The following ROS1 variants were observed in gnomAD, a reference collection of about 807,000 sequenced individuals.
ROS1 encodes the protein proto-oncogene tyrosine-protein kinase ROS.
ROS1 carries 263 observed loss-of-function variants against 273.5 expected under a neutral mutation model. That is an observed-to-expected ratio of 0.96 (90% CI 0.87 to 1.06). The LOEUF is 1.06. Ranked by LOEUF, ROS1 falls within the 50% of genes least tolerant of loss-of-function variation. ROS1 has a pLI of 0.00. For missense variants in ROS1, 2,833 were observed against 2,751.1 expected, an observed-to-expected ratio of 1.03 and a Z score of -0.67; for synonymous variants, 1,008 against 954.1, an observed-to-expected ratio of 1.06 and a Z score of -1.04.
chr6:117,295,051 C>T (rs1364955141), intron 43 of ROS1, among the ~76,000 whole-genome samples: 1 of 152,148 alleles, frequency 6.6e-6, no homozygotes, highest in Non-Finnish European at 1.5e-5. Context: ...TTACTGGATT[C>T]AAATTATACT....
intron 27 of ROS1, among the ~76,000 whole-genome samples, chr6:117,350,798 A>G (rs1390424518): frequency 6.7e-6 from 1 of 149,944 alleles, no homozygotes. Context: ...CCCATCAAAC[A>G]TTCCTCACAT....
At position 117,395,258 on chromosome 6, in the gene ROS1, G is replaced by C. The variant is rs1239890342; in HGVS notation, c.884-520C>G. Reference sequence around the variant, plus strand: ...AGTGGAGACTGACACAAGGTGCATGGGTGAACATTTTTAGGGTATTTAATG... The same window carrying C: ...AGTGGAGACTGACACAAGGTGCATGCGTGAACATTTTTAGGGTATTTAATG... On this transcript the variant is annotated intron_variant, in intron 9 of 43. Transcript: ENST00000368507. Among the ~76,000 whole-genome samples the C allele has an allele frequency of 2.0e-5, 3 of 152,096 alleles. No individual in the cohort carries two copies. The East Asian group carries it at 5.8e-4, about 29-fold the overall frequency.
intron 31 of ROS1, among the ~76,000 whole-genome samples, chr6:117,340,236 T>C (rs1171344416): frequency 6.6e-6 from 1 of 152,170 alleles, no homozygotes; most frequent in Non-Finnish European, 1.5e-5. Context: ...TTTGAGTTTA[T>C]CAACTCAATA....
At chr6:117,317,120 T>C (rs553484251) in intron 39 of ROS1, 23 bp downstream of exon 39, 1 of 1,603,408 alleles carries the variant, frequency 6.2e-7, no homozygotes, top group South Asian at 1.1e-5. Context: ...ATGAAACCAA[T>C]ATTATGGATC....
intron 42 of ROS1, 71 bp from the exon 43 acceptor site, chr6:117,301,208 AT>A: frequency 7.6e-7 from 1 of 1,312,974 alleles, no homozygotes. Context: ...AGGTAGGGTC[AT>A]TTTAGAAAGG....
At chr6:117,371,806 C>T (rs934730135) in intron 18 of ROS1, among the ~76,000 whole-genome samples, 18 of 152,124 alleles carry the variant, frequency 1.2e-4, no homozygotes, top group Admixed American at 3.9e-4. Flanking sequence ...TTCCCCACTC[C>T]CCTGGTGGCC....
intron 26 of ROS1, 76 bp from the exon 27 acceptor site, chr6:117,353,242 T>C (rs2128638486): frequency 9.4e-7 from 1 of 1,065,526 alleles, no homozygotes; most frequent in Non-Finnish European, 1.3e-6. Flanking sequence ...TGTATGAAAT[T>C]TTTTCTATAT....
At chr6:117,351,307 T>C (rs1778844536) in intron 27 of ROS1, among the ~76,000 whole-genome samples, 1 of 152,146 alleles carries the variant, frequency 6.6e-6, no homozygotes, top group South Asian at 2.1e-4. Flanking sequence ...CCCAGGTCAA[T>C]TAAGCTCTGA....
At chr6:117,393,200 C>T (rs1773205551) in intron 12 of ROS1, 24 bp downstream of exon 12, 2 of 1,308,662 alleles carry the variant, frequency 1.5e-6, no homozygotes, top group East Asian at 2.3e-5. Flanking sequence ...GAAGAGAATT[C>T]ATCTTTACAA....
At chr6:117,317,004 G>A (rs1775968328) in intron 39 of ROS1, 139 bp downstream of exon 39, 1 of 913,096 alleles carries the variant, frequency 1.1e-6, no homozygotes, top group African/African-American at 1.7e-5. Flanking sequence ...AAAAGCTAAT[G>A]TGAAGGAAAC....
At chr6:117,295,168 C>T (rs893235910) in intron 43 of ROS1, among the ~76,000 whole-genome samples, 4 of 152,036 alleles carry the variant, frequency 2.6e-5, no homozygotes, top group African/African-American at 9.7e-5. Context: ...GAATAAAGAA[C>T]ACAGAAATAA....
At chr6:117,298,109 G>A (rs1244926157) in intron 43 of ROS1, among the ~76,000 whole-genome samples, 1 of 152,028 alleles carries the variant, frequency 6.6e-6, no homozygotes, top group Non-Finnish European at 1.5e-5. Context: ...AATGAAACAA[G>A]ACAAACACAG....
At chr6:117,346,649 C>A (rs534425714) in intron 27 of ROS1, among the ~76,000 whole-genome samples, 1 of 152,074 alleles carries the variant, frequency 6.6e-6, no homozygotes, top group African/African-American at 2.4e-5. Context: ...CAAGATTTCC[C>A]AGATACTCCT....
chr6:117,288,841 A>C, intron 43 of ROS1, 39 bp from the exon 44 acceptor site: 15 of 1,473,014 alleles, frequency 1.0e-5, no homozygotes, highest in Non-Finnish European at 1.1e-5. Context: ...GCATGTATTT[A>C]ATTATTTATT....
intron 5 of ROS1, among the ~76,000 whole-genome samples, chr6:117,404,742 T>C (rs1311091626): frequency 1.3e-5 from 2 of 152,192 alleles, no homozygotes; most frequent in Non-Finnish European, 2.9e-5. Flanking sequence ...ACCACTCTCT[T>C]ACAGGCGGGG....
chr6:117,324,038 GAAAT>G (rs1200800217), intron 35 of ROS1, among the ~76,000 whole-genome samples: 15 of 152,112 alleles, frequency 9.9e-5, no homozygotes, highest in Non-Finnish European at 2.2e-4. Context: ...CAGCCAATCA[GAAAT>G]AAATACTGTT....
intron 42 of ROS1, among the ~76,000 whole-genome samples, chr6:117,307,761 A>C (rs762092278): frequency 6.6e-6 from 1 of 152,168 alleles, no homozygotes; most frequent in Non-Finnish European, 1.5e-5. Context: ...CATCTAACCA[A>C]GGTGCCCAGC....
intron 7 of ROS1, among the ~76,000 whole-genome samples, 161 bp from the exon 8 acceptor site, chr6:117,397,277 G>A (rs1433524355): frequency 1.3e-5 from 2 of 152,030 alleles, no homozygotes; most frequent in Admixed American, 6.6e-5. Flanking sequence ...GTGGTAAGAT[G>A]TCTAAACCAG....
intron 4 of ROS1, among the ~76,000 whole-genome samples, chr6:117,412,080 T>C (rs1774957498): frequency 6.6e-6 from 1 of 152,040 alleles, no homozygotes; most frequent in Admixed American, 6.5e-5. Context: ...CAGGAATGTG[T>C]CTTCTATGTC....
Sources: allele counts gnomAD v4.1 joint callset (sites outside exome capture counted in the v4.1 genomes callset), GRCh38; gene constraint gnomAD v4.1.1; transcripts MANE v1.5; gene names NCBI Gene and HGNC (gene_info 2026-07-23, HGNC 2026-07-21).